The following TXLNB variants were observed in gnomAD, a reference collection of about 807,000 sequenced individuals.
The protein encoded by TXLNB is taxilin beta, also known as beta-taxilin.
TXLNB carries 37 observed loss-of-function variants against 57.4 expected under a neutral mutation model. That is an observed-to-expected ratio of 0.64 (90% CI 0.50 to 0.85). The LOEUF is 0.85. Ranked by LOEUF, TXLNB falls within the 40% of genes least tolerant of loss-of-function variation. TXLNB has a pLI of 0.00. For synonymous variants in TXLNB, 302 were observed against 309.6 expected (o/e 0.98, Z 0.26); for missense variants, 848 against 825.6 (o/e 1.03, Z -0.33).
At chr6:139,229,255 C>A in the TXLNB span, among the ~76,000 whole-genome samples, 3 of 152,104 alleles carry the variant, frequency 2.0e-5, no homozygotes, top group African/African-American at 7.2e-5. Flanking sequence ...CTTTCTAATA[C>A]TGGGTATTAT....
intron 4 of TXLNB, among the ~76,000 whole-genome samples, chr6:139,263,373 C>T (rs1583007792): frequency 6.6e-6 from 1 of 152,136 alleles, no homozygotes; most frequent in African/African-American, 2.4e-5. Flanking sequence ...AAAAGGGAAT[C>T]TTTCCAAACA....
At chr6:139,256,120 G>C (rs1277498220) in intron 6 of TXLNB, among the ~76,000 whole-genome samples, 1 of 151,898 alleles carries the variant, frequency 6.6e-6, no homozygotes, top group Admixed American at 6.6e-5. Context: ...AAAATAATTG[G>C]TCTAAAAAAG....
the TXLNB span, chr6:139,180,889 A>G: frequency 6.6e-6 from 1 of 152,528 alleles, no homozygotes; most frequent in Non-Finnish European, 1.5e-5. Flanking sequence ...GATGAAGAGA[A>G]AGCTTTCTGA....
the TXLNB span, among the ~76,000 whole-genome samples, chr6:139,207,892 A>G: frequency 2.6e-5 from 4 of 152,190 alleles, no homozygotes; most frequent in African/African-American, 9.6e-5. Flanking sequence ...CCTGGCCAAC[A>G]TGGCAAAATG....
the TXLNB span, among the ~76,000 whole-genome samples, chr6:139,175,364 G>A: frequency 1.3e-5 from 2 of 152,246 alleles, no homozygotes; most frequent in Non-Finnish European, 2.9e-5. Flanking sequence ...TACTTCATTA[G>A]TTACTGCATA....
At chr6:139,300,864 C>T in the TXLNB span, among the ~76,000 whole-genome samples, 152 of 152,236 alleles carry the variant, frequency 1.0e-3, no homozygotes, top group African/African-American at 3.2e-3. Context: ...CACTGTGCTC[C>T]AGCATGGGTG....
the TXLNB span, among the ~76,000 whole-genome samples, chr6:139,160,864 C>T: frequency 1.3e-5 from 2 of 152,170 alleles, no homozygotes; most frequent in Admixed American, 1.3e-4. Context: ...TGAAACTTTA[C>T]TATTTATAAA....
intron 4 of TXLNB, among the ~76,000 whole-genome samples, chr6:139,270,019 G>A (rs920214643): frequency 1.3e-5 from 2 of 152,006 alleles, no homozygotes; most frequent in Admixed American, 6.5e-5. Flanking sequence ...GTGTCAATTC[G>A]GTGTGTGTCC....
chr6:139,260,486 T>C, intron 5 of TXLNB, 49 bp from the exon 6 acceptor site: 1 of 1,582,046 alleles, frequency 6.3e-7, no homozygotes, highest in African/African-American at 1.4e-5. Flanking sequence ...TATTGGTGCT[T>C]AAAAATGCAA....
At chr6:139,273,670 C>T (rs2114579283) in intron 3 of TXLNB, among the ~76,000 whole-genome samples, 1 of 152,286 alleles carries the variant, frequency 6.6e-6, no homozygotes, top group Non-Finnish European at 1.5e-5. Context: ...ATTGTCCAGG[C>T]TAGTCTTGAA....
At position 139,242,524 on chromosome 6, in the gene TXLNB, G is replaced by A. The variant is rs1355050163; in HGVS notation, c.*2C>T. On this transcript the variant is annotated 3_prime_UTR_variant, in exon 10 of 10. Coordinates refer to ENST00000358430, the MANE Select transcript of TXLNB (RefSeq NM_153235.4). ...AAGAAGCCTCTGAAGGCACGGTGAG[G>A]CTTAGTCGACGCCTTCCAGATTGGT... The A allele has an allele frequency of 6.7e-7, 1 of 1,499,208 alleles. No individual in the cohort carries two copies. Among genetic ancestry groups the A allele is most frequent in the South Asian group, 1.4e-5 (1 of 72,526 alleles). 92.9% of individuals were successfully genotyped at this position (1,499,208 alleles called of 1,614,324 possible).
chr6:139,222,222 T>A, the TXLNB span, among the ~76,000 whole-genome samples: 1 of 151,956 alleles, frequency 6.6e-6, no homozygotes, highest in Non-Finnish European at 1.5e-5. Context: ...ATATTGCAAA[T>A]TCAAATAATT....
the TXLNB span, among the ~76,000 whole-genome samples, chr6:139,200,549 T>C: frequency 6.6e-6 from 1 of 152,120 alleles, no homozygotes; most frequent in East Asian, 1.9e-4. Context: ...TGATCAATGG[T>C]GGATGTCGGG....
the TXLNB span, among the ~76,000 whole-genome samples, chr6:139,319,764 C>T: frequency 1.3e-5 from 2 of 151,698 alleles, no homozygotes; most frequent in Non-Finnish European, 2.9e-5. Context: ...GACCCTGTCT[C>T]TAAAAAAATA....
chr6:139,285,304 A>ACC lies in TXLNB; in HGVS notation c.424+3170_424+3171dup, dbSNP rs1554227519. ...CACACACACACACACACACACACAC[A>ACC]CCCCAATTCTTATGTAAAAGTTTTA... On this transcript the variant is annotated intron_variant, in intron 2 of 9. Transcript: ENST00000358430. 2.5e-3 allele frequency among the ~76,000 whole-genome samples: 326 copies of ACC among 128,228 alleles called. 35 individuals carry two copies. Among genetic ancestry groups the ACC allele is most frequent in the African/African-American group, 7.8e-3 (266 of 33,992 alleles). The allele number at this position is 128,228 out of a possible 152,430, so 84.1% of individuals were successfully genotyped here.
At chr6:139,234,882 C>T in the TXLNB span, among the ~76,000 whole-genome samples, 2 of 152,206 alleles carry the variant, frequency 1.3e-5, no homozygotes, top group Non-Finnish European at 2.9e-5. Context: ...CAATGCTAGC[C>T]CATGAAAGCA....
At chr6:139,267,685 C>T (rs993042691) in intron 4 of TXLNB, among the ~76,000 whole-genome samples, 5 of 152,080 alleles carry the variant, frequency 3.3e-5, no homozygotes, top group Admixed American at 6.6e-5. Context: ...AGGGCAGATA[C>T]TGTAGGAATG....
the TXLNB span, among the ~76,000 whole-genome samples, chr6:139,190,305 C>CTTTTT: frequency 4.5e-3 from 485 of 108,632 alleles, 1 homozygote; most frequent in Non-Finnish European, 5.7e-3. Flanking sequence ...TTCTTTCTTT[C>CTTTTT]TTTCTTTTTT....
chr6:139,226,366 C>T, the TXLNB span, among the ~76,000 whole-genome samples: 5 of 121,602 alleles, frequency 4.1e-5, no homozygotes, highest in Non-Finnish European at 6.9e-5. Context: ...TACACCTGAA[C>T]ATTCAATTTA....
Sources: allele counts gnomAD v4.1 joint callset (sites outside exome capture counted in the v4.1 genomes callset), GRCh38; gene constraint gnomAD v4.1.1; transcripts MANE v1.5; gene names NCBI Gene and HGNC (gene_info 2026-07-23, HGNC 2026-07-21).